The following SPAG16 variants were observed in gnomAD, a reference collection of about 807,000 sequenced individuals.
The protein encoded by SPAG16 is sperm associated antigen 16, also known as sperm-associated antigen 16 protein.
Under a neutral mutation model 80.4 loss-of-function variants are expected in SPAG16, and 86 were observed. That is an observed-to-expected ratio of 1.07 (90% CI 0.90 to 1.28). The LOEUF is 1.28. Among genes scored for constraint, SPAG16 ranks in the 50% most tolerant of loss-of-function variants. The pLI, the probability that SPAG16 is intolerant of heterozygous loss-of-function variation, is 0.00. For missense variants in SPAG16, 870 were observed against 765.3 expected (o/e 1.14, Z -1.61); for synonymous variants, 294 against 265.9 (o/e 1.11, Z -1.03).
intron 10 of SPAG16, among the ~76,000 whole-genome samples, chr2:213,629,826 A>G (rs1272208355): frequency 1.3e-5 from 2 of 152,126 alleles, no homozygotes; most frequent in Non-Finnish European, 1.5e-5. Flanking sequence ...CTCGCTGTCT[A>G]ATGTAAAGTC....
chr2:214,014,367 T>C (rs940950487), intron 13 of SPAG16, among the ~76,000 whole-genome samples: 8 of 152,230 alleles, frequency 5.3e-5, no homozygotes, highest in Non-Finnish European at 7.3e-5. Flanking sequence ...AAATACACAC[T>C]GTGCCCCCTC....
intron 4 of SPAG16, among the ~76,000 whole-genome samples, chr2:213,315,006 C>T (rs538211930): frequency 7.8e-4 from 117 of 150,550 alleles, no homozygotes; most frequent in Middle Eastern, 3.2e-3. Flanking sequence ...GTATATAACA[C>T]AAAATATGTG....
chr2:213,589,921 C>CAA (rs35341781), intron 10 of SPAG16, among the ~76,000 whole-genome samples: 13 of 138,778 alleles, frequency 9.4e-5, no homozygotes, highest in African/African-American at 3.2e-4. Flanking sequence ...AACTCCATCT[C>CAA]AAAAAAAAAA....
At chr2:213,445,161 A>G (rs932958742) in intron 9 of SPAG16, among the ~76,000 whole-genome samples, 4 of 152,222 alleles carry the variant, frequency 2.6e-5, no homozygotes, top group Non-Finnish European at 5.9e-5. Flanking sequence ...ATGGAATCAC[A>G]CCAAACTAAA....
intron 10 of SPAG16, among the ~76,000 whole-genome samples, chr2:213,604,101 A>C (rs947473842): frequency 2.4e-4 from 37 of 152,102 alleles, no homozygotes; most frequent in Non-Finnish European, 4.9e-4. Flanking sequence ...CATGTTGGCC[A>C]GGCTGGTCTT....
intron 13 of SPAG16, among the ~76,000 whole-genome samples, chr2:214,021,586 C>G (rs1322698625): frequency 6.6e-6 from 1 of 152,130 alleles, no homozygotes; most frequent in Non-Finnish European, 1.5e-5. Context: ...ATGGGAGCTA[C>G]AAGATGAGAT....
intron 10 of SPAG16, among the ~76,000 whole-genome samples, chr2:213,660,272 GTT>G (rs1268686589): frequency 2.1e-5 from 3 of 140,548 alleles, no homozygotes; most frequent in Non-Finnish European, 4.7e-5. Context: ...TAGTGTTGTT[GTT>G]TTTTTTTTTT....
intron 10 of SPAG16, among the ~76,000 whole-genome samples, chr2:213,678,385 GAAAA>G (rs1290301853): frequency 4.0e-5 from 6 of 151,650 alleles, no homozygotes; most frequent in Non-Finnish European, 1.5e-5. Flanking sequence ...GACTAATAAG[GAAAA>G]AAAGAGAGAA....
At chr2:214,116,071 G>T (rs62197898) in intron 14 of SPAG16, among the ~76,000 whole-genome samples, 1 of 152,070 alleles carries the variant, frequency 6.6e-6, no homozygotes, top group African/African-American at 2.4e-5. Flanking sequence ...TGCTGATTAT[G>T]CTCCCAGGTT....
chr2:213,642,130 T>C (rs1236282306), intron 10 of SPAG16, among the ~76,000 whole-genome samples: 1 of 152,168 alleles, frequency 6.6e-6, no homozygotes, highest in East Asian at 1.9e-4. Flanking sequence ...AGGATGTGTG[T>C]TTGGGGGCAG....
At chr2:214,339,298 T>C (rs1268092813) in intron 15 of SPAG16, among the ~76,000 whole-genome samples, 1 of 152,178 alleles carries the variant, frequency 6.6e-6, no homozygotes, top group Non-Finnish European at 1.5e-5. Flanking sequence ...ATTTTTTTTC[T>C]TCAAATATCT....
At chr2:213,770,446 A>G (rs2069179162) in intron 10 of SPAG16, among the ~76,000 whole-genome samples, 1 of 151,938 alleles carries the variant, frequency 6.6e-6, no homozygotes, top group African/African-American at 2.4e-5. Flanking sequence ...GGATCAGATT[A>G]TATATTTTTA....
intron 15 of SPAG16, among the ~76,000 whole-genome samples, chr2:214,164,567 G>A (rs997918498): frequency 5.3e-5 from 8 of 152,124 alleles, no homozygotes; most frequent in African/African-American, 1.9e-4. Context: ...ATTATGGATG[G>A]TCTTGACTGT....
chr2:214,153,157 C>T (rs1011039052), intron 15 of SPAG16, among the ~76,000 whole-genome samples: 1 of 152,080 alleles, frequency 6.6e-6, no homozygotes, highest in African/African-American at 2.4e-5. Flanking sequence ...CATTTCGCTA[C>T]CGCTAGACCA....
intron 12 of SPAG16, among the ~76,000 whole-genome samples, chr2:214,004,534 C>A (rs772038655): frequency 2.6e-5 from 4 of 152,056 alleles, no homozygotes; most frequent in Non-Finnish European, 5.9e-5. Flanking sequence ...ATTGTAAGAC[C>A]TTTGTAGTAA....
intron 10 of SPAG16, among the ~76,000 whole-genome samples, chr2:213,814,832 G>T (rs1346454916): frequency 6.6e-6 from 1 of 151,454 alleles, no homozygotes; most frequent in Non-Finnish European, 1.5e-5. Context: ...ATTACATGAA[G>T]ATAAGGGGGT....
intron 12 of SPAG16, among the ~76,000 whole-genome samples, chr2:213,931,437 A>G (rs895682854): frequency 1.4e-4 from 22 of 152,184 alleles, no homozygotes; most frequent in African/African-American, 5.1e-4. Flanking sequence ...TTATATTTCT[A>G]TAATGTGTGA....
intron 12 of SPAG16, among the ~76,000 whole-genome samples, chr2:213,958,585 T>G (rs531454129): frequency 6.6e-6 from 1 of 152,314 alleles, no homozygotes; most frequent in African/African-American, 2.4e-5. Context: ...ACTGACCAAC[T>G]TTTTCAGTTG....
intron 12 of SPAG16, among the ~76,000 whole-genome samples, chr2:213,945,299 A>T (rs375983268): frequency 2.7e-5 from 4 of 147,574 alleles, no homozygotes; most frequent in East Asian, 2.0e-4. Context: ...ACATATATAT[A>T]CACAAGTATA....
Sources: gnomAD v4.1 joint callset for allele counts (sites outside exome capture counted in the v4.1 genomes callset) on GRCh38, gnomAD v4.1.1 for gene constraint, MANE v1.5 for transcripts, NCBI Gene and HGNC (gene_info 2026-07-23, HGNC 2026-07-21) for gene names.